EIF2B1: variants seen among roughly 807,000 people sequenced by gnomAD.
The protein encoded by EIF2B1 is eukaryotic translation initiation factor 2B subunit alpha.
A neutral mutation model predicts 36.8 loss-of-function variants in EIF2B1; 30 were observed. That is an observed-to-expected ratio of 0.81 (90% CI 0.61 to 1.10). The LOEUF is 1.10. Among genes scored for constraint, EIF2B1 ranks in the 50% least tolerant of loss-of-function variants. The pLI is 0.00. For missense variants in EIF2B1, 271 were observed against 374.8 expected (o/e 0.72, Z 2.29); for synonymous variants, 139 against 142.2 (o/e 0.98, Z 0.16).
intron 6 of EIF2B1, chr12:123,626,013 A>C (rs1470576563): frequency 4.8e-6 from 1 of 210,336 alleles, no homozygotes; most frequent in Non-Finnish European, 9.8e-6. Context: ...TGCGCCGGTA[A>C]TCCCAGCTAC....
intron 7 of EIF2B1, 78 bp from the exon 8 acceptor site, chr12:123,622,839 AGTG>A: frequency 6.3e-7 from 1 of 1,598,672 alleles, no homozygotes; most frequent in Non-Finnish European, 8.5e-7. Context: ...GGCCGGGCAC[AGTG>A]GTGCATGCCT....
chr12:123,624,665 TGATGAA>T, intron 7 of EIF2B1, 116 bp downstream of exon 7: 1 of 842,130 alleles, frequency 1.2e-6, no homozygotes, highest in African/African-American at 1.7e-5. Context: ...CTCAATACCA[TGATGAA>T]GTCCTGAAGT....
intron 2 of EIF2B1, 59 bp downstream of exon 2, chr12:123,632,278 AAAAAAAAG>A (rs1410957194): frequency 2.7e-6 from 3 of 1,099,094 alleles, no homozygotes; most frequent in South Asian, 1.3e-5. Flanking sequence ...TTTAAAAAAA[AAAAAAAAG>A]AAAAGAAAAA....
At position 123,630,341 on chromosome 12, in the gene EIF2B1, T is replaced by TTTA; in HGVS notation, c.252+55_252+56insTAA. On this transcript the variant is annotated intron_variant, in intron 3 of 8. Transcript: ENST00000424014. This position sits in a 1 kb window ranked among gnomAD's most constrained non-coding sequence, Gnocchi z 4.6. ...GGGAAGATCCAGTTAATGCTGAGAA[T>TTTA]GTCTGTCACTAAACAGAGAAGTGGA... 1 of 1,614,128 alleles carries TTTA rather than the reference T, an allele frequency of 6.2e-7. No homozygotes were observed. The highest frequency in any genetic ancestry group is 8.5e-7 in the Non-Finnish European group (1 of 1,180,004).
intron 6 of EIF2B1, among the ~76,000 whole-genome samples, chr12:123,625,086 C>T (rs927757128): frequency 6.6e-6 from 1 of 152,180 alleles, no homozygotes. Flanking sequence ...TGCCGCCCGG[C>T]GCATGCACAC....
At chr12:123,627,020 A>G (rs758995973) in intron 5 of EIF2B1, 24 bp downstream of exon 5, 6 of 1,603,270 alleles carry the variant, frequency 3.7e-6, no homozygotes, top group African/African-American at 2.7e-5. Flanking sequence ...GGCTGGGCAC[A>G]TAACTGAACA....
chr12:123,624,563 T>C (rs981723455), intron 7 of EIF2B1, among the ~76,000 whole-genome samples: 2 of 152,178 alleles, frequency 1.3e-5, no homozygotes. Context: ...CCTGACCAAA[T>C]TACATTGTCT....
intron 2 of EIF2B1, among the ~76,000 whole-genome samples, chr12:123,631,974 C>CA (rs369800464): frequency 0.081 from 11,222 of 139,284 alleles, 1,044 homozygotes; most frequent in African/African-American, 0.24. Flanking sequence ...AACTCTGTCT[C>CA]AAAAAAAACA....
chr12:123,626,386 TG>T, intron 6 of EIF2B1, 38 bp downstream of exon 6: 2 of 1,612,632 alleles, frequency 1.2e-6, no homozygotes, highest in Non-Finnish European at 1.7e-6. Context: ...CAGCATGGGG[TG>T]GGGGAGGTGA....
At chr12:123,623,190 G>A (rs1955120733) in intron 7 of EIF2B1, among the ~76,000 whole-genome samples, 1 of 152,046 alleles carries the variant, frequency 6.6e-6, no homozygotes, top group Non-Finnish European at 1.5e-5. Context: ...AGACCAGCTG[G>A]CCAATATAGG....
chr12:123,620,622 AT>A lies in EIF2B1; in HGVS notation c.*1133del, dbSNP rs1566211673. 4.9e-3 allele frequency: 495 copies of A among 101,546 alleles called. 11 individuals are homozygous for A. Among genetic ancestry groups the A allele is most frequent in the Middle Eastern group, 0.01 (2 of 196 alleles). The allele number at this position is 101,546 out of a possible 1,614,324, so 6.3% of individuals were successfully genotyped here. ...TATATATATATATATATATATATATATATATAAGCTCTTTTTTCTGAGGCTA... is the reference window on the plus strand; with the variant it reads ...TATATATATATATATATATATATATAATATAAGCTCTTTTTTCTGAGGCTA... On this transcript the variant is annotated 3_prime_UTR_variant, in exon 9 of 9. Coordinates refer to ENST00000424014, the MANE Select transcript of EIF2B1 (RefSeq NM_001414.4).
At chr12:123,624,704 T>C (rs759067757) in intron 7 of EIF2B1, 83 bp downstream of exon 7, 19 of 1,163,142 alleles carry the variant, frequency 1.6e-5, no homozygotes, top group Non-Finnish European at 2.2e-5. Context: ...GAAGGAACCA[T>C]AATCAACACT....
chr12:123,621,698 A>G lies in EIF2B1; in HGVS notation c.*58T>C. The G allele has an allele frequency of 6.2e-7, 1 of 1,610,366 alleles. No individual in the cohort carries two copies. Among genetic ancestry groups the G allele is most frequent in the Non-Finnish European group, 8.5e-7 (1 of 1,178,442 alleles). ...GGCCTGACTCACTGGGGTGTCAAGC[A>G]GCTACTCACCCTGCCTCAACTACGT... is the stretch of plus-strand genomic sequence containing the variant. On this transcript the variant is annotated 3_prime_UTR_variant, in exon 9 of 9. Coordinates refer to ENST00000424014, the MANE Select transcript of EIF2B1 (RefSeq NM_001414.4).
Position 123,630,162 on chromosome 12 carries a change from C to T in EIF2B1, c.369+7G>A. ...CCTCCTTACCACCATGATGATTATC[C>T]ACTCACCGCTCCATCTTTGATGAAA... On this transcript the variant is annotated splice_region_variant and intron_variant, in intron 4 of 8. Transcript: ENST00000424014. This position sits in a 1 kb window ranked among gnomAD's most constrained non-coding sequence, Gnocchi z 4.6. The T allele has an allele frequency of 6.2e-7, 1 of 1,612,320 alleles. No homozygotes were observed. Among genetic ancestry groups the T allele is most frequent in the Non-Finnish European group, 8.5e-7 (1 of 1,178,722 alleles).
chr12:123,629,242 A>C lies in EIF2B1; in HGVS notation c.369+927T>G, dbSNP rs533262946. ...ATGCTGGTGGGAGGGGCATTATGAT[A>C]GTTTCATTACACCTTTACTGGAAGA... On this transcript the variant is annotated intron_variant, in intron 4 of 8. Coordinates refer to ENST00000424014, the MANE Select transcript of EIF2B1 (RefSeq NM_001414.4). 1.5e-4 allele frequency among the ~76,000 whole-genome samples: 23 copies of C among 152,296 alleles called. No homozygotes were observed. The South Asian group carries it at 4.8e-3, about 32-fold the overall frequency.
At position 123,627,103 on chromosome 12, in the gene EIF2B1, G is replaced by A. The variant is rs1351277822; in HGVS notation, c.423C>T (p.Ala141=). 1.1e-5 allele frequency: 18 copies of A among 1,614,020 alleles called. No homozygotes were observed. The highest frequency in any genetic ancestry group is 1.5e-5 in the Non-Finnish European group (18 of 1,180,032). The part of the protein sequence containing the change: ...SRVVLRVLEA[A]VAAKKRFSVY... ...CACTAAATCGCTTCTTGGCCGCCAC[G>A]GCTGCTTCCAGGACTCTCAGGACCA... Residue 141 remains alanine (A), a synonymous_variant, in exon 5 of 9, where the codon GCC becomes GCT. Transcript: ENST00000424014.
In EIF2B1 at chr12:123,621,917, T is replaced by C; in HGVS notation, c.757A>G (p.Lys253Glu). Residue 253 changes from lysine to glutamate, a missense_variant, in exon 9 of 9, where the codon AAG (lysine) becomes GAG (glutamate). Transcript: ENST00000424014. ...TGCGCGACCTTGAGAGTGTCTGCCT[T>C]ATACTGAGGAGAGAAGTACACATTA... ...QQDVPDKFKY[K>E]ADTLKVAQTG... 3.1e-6 allele frequency: 5 copies of C among 1,613,976 alleles called. No homozygotes were observed. The highest frequency in any genetic ancestry group is 1.1e-5 in the South Asian group (1 of 91,066).
chr12:123,628,351 CTTTTTTT>C (rs958119194), intron 4 of EIF2B1, among the ~76,000 whole-genome samples: 10 of 74,982 alleles, frequency 1.3e-4, no homozygotes, highest in Middle Eastern at 0.012. Flanking sequence ...CCCATAACCT[CTTTTTTT>C]TTTTTTTTTT....
At position 123,633,573 on chromosome 12, in the gene EIF2B1, C is replaced by T; in HGVS notation, c.-16G>A. On this transcript the variant is annotated 5_prime_UTR_variant, in exon 1 of 9. Coordinates refer to ENST00000424014, the MANE Select transcript of EIF2B1 (RefSeq NM_001414.4). ...TGTCGTCCATGGCGTCCTCCTGCTGCGGAGCCCCAGGGGACCCGAGCCGCC... is the reference window on the plus strand; with the variant it reads ...TGTCGTCCATGGCGTCCTCCTGCTGTGGAGCCCCAGGGGACCCGAGCCGCC... 6.2e-7 allele frequency: 1 copy of T among 1,610,310 alleles called. No homozygotes were observed.
Sources: allele counts gnomAD v4.1 joint callset (sites outside exome capture counted in the v4.1 genomes callset), GRCh38; gene constraint gnomAD v4.1.1; non-coding constraint Gnocchi (gnomAD v3.1); transcripts MANE v1.5; gene names NCBI Gene and HGNC (gene_info 2026-07-23, HGNC 2026-07-21).